Variants in WASF3 observed in about 807,000 individuals in gnomAD.
The protein encoded by WASF3 is actin-binding protein WASF3.
WASF3 carries 11 observed loss-of-function variants against 46.6 expected under a neutral mutation model. That is an observed-to-expected ratio of 0.24 (90% confidence interval 0.15 to 0.39). WASF3 has a LOEUF of 0.39. Among genes scored for constraint, WASF3 ranks in the 10% least tolerant of loss-of-function variants. The probability of loss-of-function intolerance (pLI) is 1.00; values close to 1 mark genes in which losing one functional copy is unlikely to be tolerated. For missense variants in WASF3, 576 were observed against 669.8 expected (o/e 0.86, Z 1.55); for synonymous variants, 242 against 259.7 (o/e 0.93, Z 0.65).
rs1455750669 is a variant in WASF3 at position 26,676,662 on chromosome 13, C to A, written c.654C>A (p.Asn218Lys). The change falls in exon 7 of 10, where the codon AAC becomes AAA. Residue 218 changes from asparagine (N) to lysine (K), a missense_variant. By Grantham distance (94) the Asn-to-Lys change is moderately conservative. This residue lies in a region of WASF3 where 213 missense variants were observed against 278.0 expected (regional missense o/e 0.77). Coordinates refer to ENST00000335327, the MANE Select transcript of WASF3 (RefSeq NM_006646.6). Reference sequence around the variant, plus strand: ...ATGACAAAGAGCTTAGACCCGACAACAGGTTGTCTCAGAGTGTGTACCATG... The same window carrying A: ...ATGACAAAGAGCTTAGACCCGACAAAAGGTTGTCTCAGAGTGTGTACCATG... Reference protein sequence around the residue: ...MAYDKELRPDNRLSQSVYHGA... With the variant: ...MAYDKELRPDKRLSQSVYHGA... The A allele has an allele frequency of 6.2e-7, 1 of 1,614,186 alleles. No individual in the cohort carries two copies. Among genetic ancestry groups the A allele is most frequent in the Admixed American group, 1.7e-5 (1 of 60,024 alleles).
intron 7 of WASF3, 130 bp from the exon 8 acceptor site, chr13:26,680,924 A>T: frequency 8.6e-7 from 1 of 1,164,312 alleles, no homozygotes; most frequent in Non-Finnish European, 1.2e-6. Context: ...TACCTAGTTG[A>T]TAGTAAAGCA....
chr13:26,659,612 G>T (rs1187071502), intron 3 of WASF3, among the ~76,000 whole-genome samples: 5 of 152,178 alleles, frequency 3.3e-5, no homozygotes, highest in Non-Finnish European at 7.3e-5. Context: ...ATCCCTTGGC[G>T]GTTAGGGAGG....
At position 26,562,033 on chromosome 13, in the gene WASF3, C is replaced by G. The variant is rs532817988; in HGVS notation, c.-109+4214C>G. Among the ~76,000 whole-genome samples, 33 of 152,266 alleles carry G rather than the reference C, an allele frequency of 2.2e-4. 1 individual carries two copies. Among genetic ancestry groups the G allele is most frequent in the African/African-American group, 7.5e-4 (31 of 41,552 alleles). ...AAGTTGTTAGGACATTAAGTACTTA[C>G]GTTTTTAACATTTTCTTTGCTCAAT... On this transcript the variant is annotated intron_variant, in intron 1 of 9. Coordinates refer to ENST00000335327, the MANE Select transcript of WASF3 (RefSeq NM_006646.6).
chr13:26,554,277 A>T (rs2137127263), upstream of WASF3, among the ~76,000 whole-genome samples: 1 of 151,882 alleles, frequency 6.6e-6, no homozygotes, highest in East Asian at 1.9e-4. Context: ...CTACAGGCAT[A>T]TGCCACCACT....
At position 26,557,777 on chromosome 13, in the gene WASF3, G is replaced by T. The variant is rs918777430; in HGVS notation, c.-151G>T. 7.8e-5 allele frequency: 21 copies of T among 269,126 alleles called. No individual in the cohort carries two copies. The highest frequency in any genetic ancestry group is 2.2e-4 in the Admixed American group (4 of 18,536). The allele number at this position is 269,126 out of a possible 1,614,324, so 16.7% of individuals were successfully genotyped here. On this transcript the variant is annotated 5_prime_UTR_variant, in exon 1 of 10. Coordinates refer to ENST00000335327, the MANE Select transcript of WASF3 (RefSeq NM_006646.6). ...GGCCGCGGCGCGGCGGGACCATGGAGCTCAGAGCGCAGCCCCGGCGCCGGC... is the reference window on the plus strand; with the variant it reads ...GGCCGCGGCGCGGCGGGACCATGGATCTCAGAGCGCAGCCCCGGCGCCGGC...
chr13:26,682,934 C>G lies in WASF3; in HGVS notation c.1311C>G (p.Ile437Met). 1 of 1,609,288 alleles carries G rather than the reference C, an allele frequency of 6.2e-7. No individual in the cohort carries two copies. Among genetic ancestry groups the G allele is most frequent in the Non-Finnish European group, 8.5e-7 (1 of 1,180,004 alleles). ...GGCAAGAGCCTGCACAGCCACCAATCAGTGATGCTCGAAGCGACCTCCTCG... is the reference window on the plus strand; with the variant it reads ...GGCAAGAGCCTGCACAGCCACCAATGAGTGATGCTCGAAGCGACCTCCTCG... ...AKRQEPAQPP[I>M]SDARSDLLAA... Residue 437 changes from isoleucine to methionine, a missense_variant, in exon 9 of 10, where the codon ATC becomes ATG. Around this residue, in one of 3 missense-constraint regions of WASF3, gnomAD observed 68 missense variants for 100.3 expected, o/e 0.68. Transcript: ENST00000335327. This position sits in a 1 kb window ranked among gnomAD's most constrained non-coding sequence, Gnocchi z 4.4.
At chr13:26,594,758 TCTGTCATTTC>T (rs1377105617) in intron 1 of WASF3, among the ~76,000 whole-genome samples, 2 of 152,150 alleles carry the variant, frequency 1.3e-5, no homozygotes, top group African/African-American at 2.4e-5. Context: ...TAGTCTGCCT[TCTGTCATTTC>T]CTGGGGATTT....
Position 26,682,247 on chromosome 13 carries a change from T to C in WASF3, c.984-360T>C, listed in dbSNP as rs1319559304. Reference sequence around the variant, plus strand: ...CCCAATCTGGTTGACCTTAGGACCCTTAAAAGACAAGTTTGTGAGCTACCG... The same window carrying C: ...CCCAATCTGGTTGACCTTAGGACCCCTAAAAGACAAGTTTGTGAGCTACCG... On this transcript the variant is annotated intron_variant, in intron 8 of 9. Transcript: ENST00000335327. The surrounding 1 kb of genome is among the most constrained non-coding windows in gnomAD (Gnocchi z 4.4). Among the ~76,000 whole-genome samples, 1 of 152,230 alleles carries C rather than the reference T, an allele frequency of 6.6e-6. No individual in the cohort carries two copies. Among genetic ancestry groups the C allele is most frequent in the East Asian group, 1.9e-4 (1 of 5,190 alleles).
chr13:26,647,198 C>T (rs1050324448), intron 3 of WASF3, among the ~76,000 whole-genome samples: 1 of 148,246 alleles, frequency 6.7e-6, no homozygotes, highest in Admixed American at 6.9e-5. Context: ...ACATGAATGA[C>T]GATATAGTTT....
At chr13:26,649,517 A>G (rs1056128507) in intron 3 of WASF3, among the ~76,000 whole-genome samples, 2 of 152,238 alleles carry the variant, frequency 1.3e-5, no homozygotes, top group African/African-American at 2.4e-5. Context: ...TGAAAGATCC[A>G]TCAAAGAACT....
intron 3 of WASF3, among the ~76,000 whole-genome samples, chr13:26,645,455 A>G (rs1024206418): frequency 6.6e-6 from 1 of 152,194 alleles, no homozygotes; most frequent in Non-Finnish European, 1.5e-5. Flanking sequence ...TGAATTACTG[A>G]TTGGTGATAG....
At chr13:26,684,255 A>AG (rs900618506) in intron 9 of WASF3, among the ~76,000 whole-genome samples, 73 of 152,054 alleles carry the variant, frequency 4.8e-4, no homozygotes, top group Middle Eastern at 3.4e-3. Context: ...GGGTCATTGT[A>AG]GGACGGTGTT....
chr13:26,585,053 T>G (rs1451735802), intron 1 of WASF3, among the ~76,000 whole-genome samples: 1 of 151,356 alleles, frequency 6.6e-6, no homozygotes, highest in Non-Finnish European at 1.5e-5. Context: ...AATAATATCA[T>G]TTTCCCAAGC....
chr13:26,644,080 T>C (rs1882079440), intron 3 of WASF3, among the ~76,000 whole-genome samples: 1 of 152,142 alleles, frequency 6.6e-6, no homozygotes, highest in South Asian at 2.1e-4. Flanking sequence ...GGTAGAAGAA[T>C]CAGTGCCAGG....
chr13:26,569,828 G>A (rs961962965), intron 1 of WASF3, among the ~76,000 whole-genome samples: 26 of 152,032 alleles, frequency 1.7e-4, no homozygotes, highest in Middle Eastern at 3.2e-3. Flanking sequence ...AATAAAAGAC[G>A]GAAGGCACAG....
At chr13:26,606,338 GTGTGTGTGT>G (rs2137211854) in intron 1 of WASF3, among the ~76,000 whole-genome samples, 2 of 149,354 alleles carry the variant, frequency 1.3e-5, no homozygotes, top group South Asian at 4.3e-4. Context: ...GTGTGTGTGT[GTGTGTGTGT>G]GTGTGTGTGT....
At position 26,655,916 on chromosome 13, in the gene WASF3, A is replaced by C. The variant is rs574534218; in HGVS notation, c.134-9112A>C. The stretch of plus-strand genomic sequence containing the variant: ...AGTACCTTACTCTTTCTAGCACAGC[A>C]ATACATTCTAGGTTCATGTGGTTTT... On this transcript the variant is annotated intron_variant, in intron 3 of 9. Transcript: ENST00000335327. Among the ~76,000 whole-genome samples, 3 of 152,290 alleles carry C rather than the reference A, an allele frequency of 2.0e-5. No homozygotes were observed. In the East Asian group the frequency reaches 5.8e-4, roughly 29 times the overall value.
upstream of WASF3, among the ~76,000 whole-genome samples, chr13:26,553,565 C>T (rs1218782874): frequency 6.6e-6 from 1 of 152,034 alleles, no homozygotes; most frequent in Non-Finnish European, 1.5e-5. Context: ...CGCCTGTAAT[C>T]CTAGCACTTT....
chr13:26,549,938 C>A, the WASF3 span, among the ~76,000 whole-genome samples: 2 of 152,184 alleles, frequency 1.3e-5, no homozygotes, highest in Non-Finnish European at 2.9e-5. Flanking sequence ...CACCTCACCA[C>A]AGCACAGAGA....
Sources: gnomAD v4.1 joint callset for allele counts (sites outside exome capture counted in the v4.1 genomes callset) on GRCh38, gnomAD v4.1.1 for gene constraint, gnomAD v4.1.1 regional missense constraint, Gnocchi (gnomAD v3.1) non-coding constraint, MANE v1.5 for transcripts, NCBI Gene and HGNC (gene_info 2026-07-23, HGNC 2026-07-21) for gene names.